Variants in DOCK3 observed in about 807,000 individuals in gnomAD.
DOCK3 encodes the protein dedicator of cytokinesis protein 3.
DOCK3 carries 60 observed loss-of-function variants against 265.6 expected under a neutral mutation model. That is an observed-to-expected ratio of 0.23 (90% CI 0.18 to 0.28). The LOEUF is 0.28. Among genes scored for constraint, DOCK3 ranks in the 10% least tolerant of loss-of-function variants. DOCK3 has a pLI of 1.00. For missense variants in DOCK3, 1,981 were observed against 2,594.3 expected (o/e 0.76, Z 5.14); for synonymous variants, 881 against 938.0 (o/e 0.94, Z 1.11).
At chr3:51,340,285 A>T (rs968216398) in intron 37 of DOCK3, among the ~76,000 whole-genome samples, 7 of 152,190 alleles carry the variant, frequency 4.6e-5, no homozygotes, top group African/African-American at 7.2e-5. Flanking sequence ...GAAGAAAAAG[A>T]CGTTCCATGG....
intron 3 of DOCK3, among the ~76,000 whole-genome samples, chr3:50,854,178 A>G (rs2046470004): frequency 6.6e-6 from 1 of 151,920 alleles, no homozygotes; most frequent in Non-Finnish European, 1.5e-5. Context: ...TTTCTTGTTG[A>G]TTTAAGTTCC....
chr3:50,947,396 A>G (rs1336049826), intron 5 of DOCK3, among the ~76,000 whole-genome samples: 1 of 152,024 alleles, frequency 6.6e-6, no homozygotes, highest in Admixed American at 6.6e-5. Flanking sequence ...CTAGATTTTC[A>G]GTGTGAAGTA....
intron 2 of DOCK3, among the ~76,000 whole-genome samples, chr3:50,818,989 C>A (rs921501547): frequency 1.3e-5 from 2 of 150,576 alleles, no homozygotes; most frequent in Non-Finnish European, 3.0e-5. Flanking sequence ...GTATGTAAAA[C>A]ATTCTCTAGC....
intron 5 of DOCK3, among the ~76,000 whole-genome samples, chr3:51,018,703 G>T (rs1436161455): frequency 4.0e-5 from 6 of 151,740 alleles, no homozygotes; most frequent in Non-Finnish European, 8.8e-5. Context: ...AATAGTTTTA[G>T]ACCTGAAACA....
chr3:51,363,492 AT>A lies in DOCK3; in HGVS notation c.5293+821del, dbSNP rs538775757. Among the ~76,000 whole-genome samples the A allele has an allele frequency of 5.3e-3, 812 of 152,294 alleles. 6 individuals are homozygous for A. The highest frequency in any genetic ancestry group is 0.019 in the African/African-American group (781 of 41,566). Reference sequence around the variant, plus strand: ...AAAGAAAAATATCACAAATTTATTTATTTATTTTATTATACTTTAAGTTCTA... The same window carrying A: ...AAAGAAAAATATCACAAATTTATTTATTATTTTATTATACTTTAAGTTCTA... On this transcript the variant is annotated intron_variant, in intron 49 of 52. Transcript: ENST00000266037.
At chr3:51,301,879 A>T (rs537244628) in intron 27 of DOCK3, among the ~76,000 whole-genome samples, 4 of 152,140 alleles carry the variant, frequency 2.6e-5, no homozygotes, top group Non-Finnish European at 5.9e-5. Context: ...AGTAAGTGCC[A>T]TGTGGTGCCA....
intron 27 of DOCK3, among the ~76,000 whole-genome samples, chr3:51,300,461 G>A (rs915438314): frequency 6.6e-5 from 10 of 152,182 alleles, no homozygotes; most frequent in Admixed American, 1.3e-4. Context: ...GTGAGAGAAG[G>A]CATCCTTGTC....
At chr3:50,926,548 C>A (rs943592673) in intron 4 of DOCK3, among the ~76,000 whole-genome samples, 1 of 152,118 alleles carries the variant, frequency 6.6e-6, no homozygotes, top group East Asian at 1.9e-4. Flanking sequence ...GTTACAGGAA[C>A]CTTGACATTA....
At chr3:51,025,410 C>T (rs1371488953) in intron 5 of DOCK3, among the ~76,000 whole-genome samples, 1 of 152,140 alleles carries the variant, frequency 6.6e-6, no homozygotes, top group Non-Finnish European at 1.5e-5. Flanking sequence ...GTCGGTGTCA[C>T]TCCTGCGGTG....
intron 12 of DOCK3, among the ~76,000 whole-genome samples, chr3:51,162,327 C>T (rs927804723): frequency 1.9e-4 from 29 of 152,198 alleles, no homozygotes; most frequent in African/African-American, 6.3e-4. Context: ...ACCCAATCTC[C>T]TCATTACCTA....
intron 9 of DOCK3, among the ~76,000 whole-genome samples, chr3:51,098,559 C>T (rs1013882508): frequency 1.3e-5 from 2 of 152,158 alleles, no homozygotes; most frequent in Non-Finnish European, 2.9e-5. Context: ...AAATGATGGG[C>T]GAGCACTTTT....
chr3:51,059,667 A>G (rs993731587), intron 5 of DOCK3, among the ~76,000 whole-genome samples: 1 of 152,096 alleles, frequency 6.6e-6, no homozygotes, highest in Non-Finnish European at 1.5e-5. Flanking sequence ...CCAGCTGATG[A>G]TATTGCTTTT....
intron 2 of DOCK3, among the ~76,000 whole-genome samples, chr3:50,828,854 C>T (rs2044946533): frequency 6.6e-6 from 1 of 152,126 alleles, no homozygotes; most frequent in Non-Finnish European, 1.5e-5. Context: ...GGTGGGATTA[C>T]AGGCATGTGC....
rs182216867 is a variant in DOCK3 at position 51,167,731 on chromosome 3, T to C, written c.1037+7029T>C. The stretch of plus-strand genomic sequence containing the variant: ...GCTATCATAAATGACATTGTTTTCT[T>C]AACTTTTTTGGAGAGCTTGTCATTA... On this transcript the variant is annotated intron_variant, in intron 12 of 52. Coordinates refer to ENST00000266037, the MANE Select transcript of DOCK3 (RefSeq NM_004947.5). Among the ~76,000 whole-genome samples, 31 of 152,304 alleles carry C rather than the reference T, an allele frequency of 2.0e-4. No homozygotes were observed. In the East Asian group the frequency reaches 5.4e-3, roughly 27 times the overall value.
intron 12 of DOCK3, among the ~76,000 whole-genome samples, chr3:51,205,169 TAAAA>T (rs985668627): frequency 1.4e-5 from 2 of 147,864 alleles, no homozygotes; most frequent in African/African-American, 5.0e-5. Context: ...AGTATAATAA[TAAAA>T]ATAAATAAAT....
chr3:50,880,559 C>G (rs1234136652), intron 3 of DOCK3: 1 of 188,848 alleles, frequency 5.3e-6, no homozygotes, highest in Non-Finnish European at 1.1e-5. Flanking sequence ...TATATACACC[C>G]TCCCAGGACT....
chr3:50,760,037 T>C (rs1453164331), intron 1 of DOCK3, among the ~76,000 whole-genome samples: 1 of 152,116 alleles, frequency 6.6e-6, no homozygotes, highest in African/African-American at 2.4e-5. Flanking sequence ...CTTTTTTTTT[T>C]TTCCTGTACT....
chr3:50,958,842 A>G (rs1273745306), intron 5 of DOCK3, among the ~76,000 whole-genome samples: 1 of 152,208 alleles, frequency 6.6e-6, no homozygotes, highest in Admixed American at 6.5e-5. Flanking sequence ...AAATGGATTT[A>G]ATATATTGTG....
At chr3:51,125,085 G>A (rs904908236) in intron 9 of DOCK3, among the ~76,000 whole-genome samples, 1 of 151,982 alleles carries the variant, frequency 6.6e-6, no homozygotes, top group South Asian at 2.1e-4. Context: ...TCACGCCACT[G>A]CACTCCAGCC....
Sources: allele counts gnomAD v4.1 joint callset (sites outside exome capture counted in the v4.1 genomes callset), GRCh38; gene constraint gnomAD v4.1.1; transcripts MANE v1.5; gene names NCBI Gene and HGNC (gene_info 2026-07-23, HGNC 2026-07-21).